TFCP2L1: variants seen among roughly 807,000 people sequenced by gnomAD.
TFCP2L1 encodes the protein transcription factor CP2 like 1.
Under a neutral mutation model 72.2 loss-of-function variants are expected in TFCP2L1, and 12 were observed. The observed-to-expected ratio is 0.17, with a 90% CI of 0.11 to 0.27. The LOEUF is 0.27. TFCP2L1 is among the 10% of genes least tolerant of loss of function. The pLI is 1.00. For synonymous variants in TFCP2L1, 260 were observed against 251.0 expected (o/e 1.04, Z -0.34); for missense variants, 488 against 624.6 (o/e 0.78, Z 2.33).
intron 2 of TFCP2L1, among the ~76,000 whole-genome samples, chr2:121,263,109 A>AT (rs1686857909): frequency 6.6e-6 from 1 of 151,894 alleles, no homozygotes; most frequent in Non-Finnish European, 1.5e-5. Flanking sequence ...CTAATTTTGT[A>AT]TTTTTAGTAG....
intron 2 of TFCP2L1, among the ~76,000 whole-genome samples, chr2:121,253,540 G>T (rs138066175): frequency 5.9e-5 from 9 of 152,244 alleles, no homozygotes; most frequent in Admixed American, 2.0e-4. Context: ...CCTAGCATGA[G>T]GCCCAATGTC....
rs188314548 is a variant in TFCP2L1, at chr2:121,229,039, C to T, written c.1341+2787G>A. ...GGTTCAAGCAATTCTCCTGGCTCAG[C>T]CTCCCGAATAGCTGGGATTACAGGC... is the stretch of plus-strand genomic sequence containing the variant. On this transcript the variant is annotated intron_variant, in intron 13 of 14. Coordinates refer to ENST00000263707, the MANE Select transcript of TFCP2L1 (RefSeq NM_014553.3). 6.1e-3 allele frequency among the ~76,000 whole-genome samples: 922 copies of T among 152,212 alleles called. 8 individuals carry two copies. Among genetic ancestry groups the T allele is most frequent in the Non-Finnish European group, 1.0e-2 (677 of 68,028 alleles).
chr2:121,242,144 AG>A (rs1378713487), intron 7 of TFCP2L1, among the ~76,000 whole-genome samples: 5 of 151,668 alleles, frequency 3.3e-5, no homozygotes, highest in Non-Finnish European at 7.4e-5. Context: ...ATGCATTCAA[AG>A]GGAGCAGAGC....
At chr2:121,283,250 G>A (rs1344669768) in intron 1 of TFCP2L1, among the ~76,000 whole-genome samples, 4 of 152,116 alleles carry the variant, frequency 2.6e-5, no homozygotes, top group African/African-American at 7.2e-5. Flanking sequence ...GGGAGTAAAG[G>A]CCTCTACCCT....
At chr2:121,248,347 G>C in intron 4 of TFCP2L1, 77 bp from the exon 5 acceptor site, 1 of 1,221,694 alleles carries the variant, frequency 8.2e-7, no homozygotes. Context: ...CCCTGTTACA[G>C]GTCCCAATTC....
intron 2 of TFCP2L1, among the ~76,000 whole-genome samples, chr2:121,266,309 A>C (rs779355943): frequency 6.6e-6 from 1 of 151,978 alleles, no homozygotes; most frequent in South Asian, 2.1e-4. Context: ...TATCCACAAA[A>C]AATTGCCAAA....
Position 121,285,138 on chromosome 2 carries a change from G to A in TFCP2L1, c.-29C>T, listed in dbSNP as rs933377861. 1.4e-5 allele frequency: 20 copies of A among 1,471,248 alleles called. No individual in the cohort carries two copies. The highest frequency in any genetic ancestry group is 1.7e-5 in the Non-Finnish European group (19 of 1,108,514). 91.1% of individuals were successfully genotyped at this position (1,471,248 alleles called of 1,614,324 possible). ...TGGAACTCCCAGCGCGCCGACCGGG[G>A]CGCGGCAGCAAGCGCAGACGCGGGG... On this transcript the variant is annotated 5_prime_UTR_variant, in exon 1 of 15. Transcript: ENST00000263707.
chr2:121,284,993 G>C, intron 1 of TFCP2L1, 55 bp downstream of exon 1: 1 of 1,417,228 alleles, frequency 7.1e-7, no homozygotes, highest in Non-Finnish European at 9.2e-7. Context: ...ACGTCCAACG[G>C]CGCCCGGCCC....
At chr2:121,227,592 A>AGG (rs1018937728) in intron 13 of TFCP2L1, among the ~76,000 whole-genome samples, 1 of 152,078 alleles carries the variant, frequency 6.6e-6, no homozygotes, top group African/African-American at 2.4e-5. Flanking sequence ...AAGGCAGGAG[A>AGG]ATCGCTTGAA....
chr2:121,239,331 G>C (rs142365718), intron 8 of TFCP2L1, among the ~76,000 whole-genome samples: 1 of 152,180 alleles, frequency 6.6e-6, no homozygotes, highest in Non-Finnish European at 1.5e-5. Context: ...AGCCAGTCCT[G>C]GTTTCACCAG....
intron 2 of TFCP2L1, among the ~76,000 whole-genome samples, chr2:121,254,672 C>T (rs1686680413): frequency 6.6e-6 from 1 of 152,100 alleles, no homozygotes. Context: ...GTGGCGCATG[C>T]TTGTAATCGC....
intron 2 of TFCP2L1, among the ~76,000 whole-genome samples, chr2:121,259,996 G>A (rs1006207601): frequency 1.3e-5 from 2 of 152,176 alleles, no homozygotes; most frequent in Admixed American, 6.6e-5. Context: ...GTACCCAAAG[G>A]CCAATCAGAC....
At chr2:121,257,607 C>A (rs75743977) in intron 2 of TFCP2L1, among the ~76,000 whole-genome samples, 6,602 of 152,298 alleles carry the variant, frequency 0.043, 227 homozygotes, top group East Asian at 0.14. Context: ...ACATGTCCAA[C>A]ACCTCCAGCC....
At chr2:121,246,538 G>A (rs550275741) in intron 6 of TFCP2L1, among the ~76,000 whole-genome samples, 11 of 152,274 alleles carry the variant, frequency 7.2e-5, no homozygotes, top group South Asian at 4.1e-4. Context: ...ATAGAGTAGC[G>A]CCGAGGACCG....
At chr2:121,257,317 T>A (rs1686747307) in intron 2 of TFCP2L1, among the ~76,000 whole-genome samples, 1 of 151,480 alleles carries the variant, frequency 6.6e-6, no homozygotes, top group South Asian at 2.1e-4. Context: ...GGCAGTACTG[T>A]CCCTCCCGGG....
intron 2 of TFCP2L1, among the ~76,000 whole-genome samples, chr2:121,255,353 G>C (rs1472079691): frequency 1.3e-5 from 2 of 152,096 alleles, no homozygotes; most frequent in Non-Finnish European, 1.5e-5. Flanking sequence ...TTCTAATTTA[G>C]GAATTGTAAA....
At chr2:121,276,366 T>C (rs926447662) in intron 2 of TFCP2L1, among the ~76,000 whole-genome samples, 6 of 152,028 alleles carry the variant, frequency 3.9e-5, no homozygotes, top group Non-Finnish European at 8.8e-5. Flanking sequence ...GGTTTTTTAA[T>C]GTTTCACAAG....
rs1009480690 is a variant in TFCP2L1 at position 121,221,588 on chromosome 2, T to A, written c.*2753A>T. ...AATGAAGCTGGACCCCTACATCACATCATATATAAAAATATACTCGAAATG... is the reference window on the plus strand; with the variant it reads ...AATGAAGCTGGACCCCTACATCACAACATATATAAAAATATACTCGAAATG... On this transcript the variant is annotated 3_prime_UTR_variant, in exon 15 of 15. Transcript: ENST00000263707. 1.3e-5 allele frequency: 2 copies of A among 152,110 alleles called. No homozygotes were observed. The highest frequency in any genetic ancestry group is 6.6e-5 in the Admixed American group (1 of 15,258). 9.4% of individuals were successfully genotyped at this position (152,110 alleles called of 1,614,324 possible).
chr2:121,280,010 G>A (rs1448785447), intron 2 of TFCP2L1, among the ~76,000 whole-genome samples: 9 of 152,078 alleles, frequency 5.9e-5, no homozygotes, highest in Non-Finnish European at 7.4e-5. Context: ...TGCAAAAAAC[G>A]CATACTCATA....
Sources: allele counts gnomAD v4.1 joint callset (sites outside exome capture counted in the v4.1 genomes callset), GRCh38; gene constraint gnomAD v4.1.1; transcripts MANE v1.5; gene names NCBI Gene and HGNC (gene_info 2026-07-23, HGNC 2026-07-21).